SWT1: variants seen among roughly 807,000 people sequenced by gnomAD.
SWT1 encodes the protein SWT1 RNA endoribonuclease homolog.
SWT1 carries 33 observed loss-of-function variants against 107.3 expected under a neutral mutation model. The observed-to-expected ratio is 0.31, with a 90% CI of 0.23 to 0.41. The LOEUF (loss-of-function observed/expected upper bound fraction) is 0.41. Ranked by LOEUF, SWT1 falls within the 10% of genes least tolerant of loss-of-function variation. SWT1 has a pLI of 1.00. For missense variants in SWT1, 898 were observed against 1,028.9 expected (o/e 0.87, Z 1.74); for synonymous variants, 345 against 348.3 (o/e 0.99, Z 0.11).
At chr1:185,184,428 T>G (rs1558021485) in intron 8 of SWT1, 84 bp downstream of exon 8, 1 of 803,910 alleles carries the variant, frequency 1.2e-6, no homozygotes, top group African/African-American at 1.7e-5. Flanking sequence ...TTTTTTGCCA[T>G]GAACATGTCT....
chr1:185,193,756 T>C (rs1657156526), intron 10 of SWT1, among the ~76,000 whole-genome samples: 1 of 152,162 alleles, frequency 6.6e-6, no homozygotes, highest in South Asian at 2.1e-4. Context: ...TGAGCCACCT[T>C]GCCAAGGCTG....
chr1:185,226,220 TC>T (rs1438644320), intron 15 of SWT1, among the ~76,000 whole-genome samples: 2 of 152,216 alleles, frequency 1.3e-5, no homozygotes, highest in African/African-American at 4.8e-5. Context: ...TTGCGTAGTT[TC>T]TGGATAATAT....
chr1:185,278,829 A>G (rs1166725098), intron 18 of SWT1, among the ~76,000 whole-genome samples: 6 of 152,238 alleles, frequency 3.9e-5, no homozygotes, highest in Non-Finnish European at 7.3e-5. Context: ...ACTAAACCAC[A>G]GTTCATTTGC....
intron 5 of SWT1, among the ~76,000 whole-genome samples, chr1:185,179,160 T>C (rs1214480265): frequency 6.6e-6 from 1 of 151,928 alleles, no homozygotes; most frequent in African/African-American, 2.4e-5. Flanking sequence ...TCCCAGCTAC[T>C]TGGGAGGCTG....
chr1:185,204,880 T>G lies in SWT1; in HGVS notation c.1833+17T>G. 6.7e-7 allele frequency: 1 copy of G among 1,488,614 alleles called. No individual in the cohort carries two copies. 92.2% of individuals were successfully genotyped at this position (1,488,614 alleles called of 1,614,324 possible). A position where few individuals can be genotyped will look rare whatever the true frequency, so the allele number is the denominator to read the frequency against. On this transcript the variant is annotated intron_variant, in intron 12 of 18. Transcript: ENST00000367500. ...TGGATGGAGGTGATTAGTTGAACTCTATTAGTTGAAAATTTCTTTTTTATT... is the reference window on the plus strand; with the variant it reads ...TGGATGGAGGTGATTAGTTGAACTCGATTAGTTGAAAATTTCTTTTTTATT...
At chr1:185,165,656 A>C (rs1442423579) in intron 2 of SWT1, among the ~76,000 whole-genome samples, 6 of 152,282 alleles carry the variant, frequency 3.9e-5, no homozygotes, top group Middle Eastern at 6.8e-3. Flanking sequence ...GTGTTTTTCC[A>C]CTTCATCCAG....
chr1:185,205,114 A>G (rs555957101), intron 12 of SWT1, among the ~76,000 whole-genome samples: 118 of 152,228 alleles, frequency 7.8e-4, no homozygotes, highest in Non-Finnish European at 1.2e-3. Context: ...TGTCAGATGC[A>G]CTGTCCCATG....
chr1:185,280,031 G>T (rs1299990522), intron 18 of SWT1, among the ~76,000 whole-genome samples: 2 of 152,044 alleles, frequency 1.3e-5, no homozygotes, highest in Non-Finnish European at 2.9e-5. Context: ...TAGGTTTTGT[G>T]TCCCCACCCA....
chr1:185,177,570 A>G (rs757446091), intron 5 of SWT1, among the ~76,000 whole-genome samples: 3 of 152,232 alleles, frequency 2.0e-5, no homozygotes, highest in East Asian at 3.8e-4. Flanking sequence ...TATCTTCAGC[A>G]TATTATTGAC....
At chr1:185,252,148 A>G (rs1662088233) in intron 16 of SWT1, among the ~76,000 whole-genome samples, 1 of 152,188 alleles carries the variant, frequency 6.6e-6, no homozygotes, top group African/African-American at 2.4e-5. Flanking sequence ...TCCATGGTGT[A>G]TATGTGCCAC....
intron 10 of SWT1, among the ~76,000 whole-genome samples, chr1:185,199,689 T>C (rs1657704081): frequency 6.6e-6 from 1 of 152,224 alleles, no homozygotes; most frequent in African/African-American, 2.4e-5. Flanking sequence ...TTTTCCTCCA[T>C]TTCAACCTTG....
chr1:185,282,038 A>G (rs980622802), intron 18 of SWT1, among the ~76,000 whole-genome samples: 3 of 152,188 alleles, frequency 2.0e-5, no homozygotes, highest in African/African-American at 7.2e-5. Flanking sequence ...TTGAGGATGT[A>G]ATAGTCAGCT....
chr1:185,244,703 C>G (rs569880096), intron 16 of SWT1, among the ~76,000 whole-genome samples: 1 of 152,104 alleles, frequency 6.6e-6, no homozygotes, highest in Non-Finnish European at 1.5e-5. Context: ...AACAAATTAA[C>G]CTTAGGTTGT....
intron 16 of SWT1, among the ~76,000 whole-genome samples, chr1:185,244,398 A>G (rs1188976644): frequency 6.6e-6 from 1 of 152,220 alleles, no homozygotes; most frequent in Non-Finnish European, 1.5e-5. Flanking sequence ...TACTGTACAT[A>G]CTACAGGGAG....
intron 16 of SWT1, 63 bp downstream of exon 16, chr1:185,231,771 AC>A (rs1258579362): frequency 3.6e-6 from 5 of 1,378,110 alleles, no homozygotes; most frequent in Non-Finnish European, 5.0e-6. Context: ...TCCTAGGCTT[AC>A]CAACTTTTTC....
intron 4 of SWT1, among the ~76,000 whole-genome samples, chr1:185,170,968 T>G (rs899166615): frequency 1.3e-5 from 2 of 152,276 alleles, no homozygotes; most frequent in African/African-American, 4.8e-5. Context: ...AGAAGCCCAC[T>G]TGTATTCCTG....
chr1:185,275,585 A>C (rs544761551), intron 17 of SWT1, among the ~76,000 whole-genome samples: 39 of 151,806 alleles, frequency 2.6e-4, no homozygotes, highest in Non-Finnish European at 5.3e-4. Flanking sequence ...GGGTCTCACT[A>C]TGTTGCTCAG....
chr1:185,199,068 G>T (rs141128926), intron 10 of SWT1, among the ~76,000 whole-genome samples: 1 of 151,814 alleles, frequency 6.6e-6, no homozygotes, highest in African/African-American at 2.4e-5. Context: ...CTCCTGAGTA[G>T]CTGGGATTAC....
chr1:185,176,416 A>ATATT (rs1416777024), intron 5 of SWT1: 5 of 224,970 alleles, frequency 2.2e-5, no homozygotes, highest in Non-Finnish European at 3.7e-5. Context: ...AGAAGCCGGG[A>ATATT]TATTTTAGGC....
Sources: gnomAD v4.1 joint callset for allele counts (sites outside exome capture counted in the v4.1 genomes callset) on GRCh38, gnomAD v4.1.1 for gene constraint, MANE v1.5 for transcripts, NCBI Gene and HGNC (gene_info 2026-07-23, HGNC 2026-07-21) for gene names.